Variants in SPEF2 observed in about 807,000 individuals in gnomAD.
SPEF2 encodes the protein sperm flagellar and cilia associated 2, also known as sperm flagella and cilia-associated protein 2.
SPEF2 carries 187 observed loss-of-function variants against 224.6 expected under a neutral mutation model. That is an observed-to-expected ratio of 0.83 (90% CI 0.74 to 0.94). The LOEUF (loss-of-function observed/expected upper bound fraction) is 0.94, where lower values mean the gene tolerates loss of function less well. Among genes scored for constraint, SPEF2 ranks in the 40% least tolerant of loss-of-function variants. SPEF2 has a pLI of 0.00. For missense variants in SPEF2, 2,170 were observed against 2,135.6 expected (o/e 1.02, Z -0.32); for synonymous variants, 715 against 707.3 (o/e 1.01, Z -0.17).
chr5:35,619,866 G>A (rs1743254575), intron 1 of SPEF2, among the ~76,000 whole-genome samples: 1 of 110,252 alleles, frequency 9.1e-6, no homozygotes, highest in Admixed American at 8.5e-5. Flanking sequence ...TTTGAGAGGT[G>A]GAGGATAAAC....
chr5:35,720,810 T>C (rs1743516589), intron 20 of SPEF2, among the ~76,000 whole-genome samples: 1 of 152,316 alleles, frequency 6.6e-6, no homozygotes, highest in African/African-American at 2.4e-5. Flanking sequence ...TGTTTACCTC[T>C]CTTTTCTGGA....
intron 2 of SPEF2, 107 bp downstream of exon 2, chr5:35,628,669 G>C: frequency 1.4e-6 from 1 of 715,588 alleles, no homozygotes; most frequent in Non-Finnish European, 2.3e-6. Flanking sequence ...ATAGCTCACA[G>C]CAACCTCAAA....
At chr5:35,771,464 G>A in intron 26 of SPEF2, 145 bp from the exon 27 acceptor site, 1 of 996,832 alleles carries the variant, frequency 1.0e-6, no homozygotes, top group South Asian at 2.2e-5. Context: ...AACATGGTGG[G>A]GTGTGTTTTG....
At chr5:35,769,989 ATGTGTGTGTG>A (rs10627412) in intron 26 of SPEF2, among the ~76,000 whole-genome samples, 133 of 142,358 alleles carry the variant, frequency 9.3e-4, no homozygotes, top group Admixed American at 6.9e-4. Flanking sequence ...TGCCTCCATA[ATGTGTGTGTG>A]TGTGTGTGTG....
chr5:35,807,179 A>G lies in SPEF2; in HGVS notation c.5305A>G (p.Ile1769Val), dbSNP rs762784134. Reference sequence around the variant, plus strand: ...CCTAGGTGCCAAGAACCTGGAGCCAATTGAAGTCGCTGTTCTCTTGAAGCA... The same window carrying G: ...CCTAGGTGCCAAGAACCTGGAGCCAGTTGAAGTCGCTGTTCTCTTGAAGCA... ...QDLGAKNLEP[I>V]EVAVLLKHPF... Residue 1769 changes from isoleucine to valine, a missense_variant, in exon 36 of 37, where the codon ATT becomes GTT. By Grantham distance (29) the Ile-to-Val change is conservative. Coordinates refer to ENST00000356031, the MANE Select transcript of SPEF2 (RefSeq NM_024867.4). The G allele has an allele frequency of 1.9e-6, 3 of 1,614,018 alleles. No homozygotes were observed. The highest frequency in any genetic ancestry group is 1.7e-6 in the Non-Finnish European group (2 of 1,179,988).
At chr5:35,773,835 CT>C in intron 27 of SPEF2, 57 bp from the exon 28 acceptor site, 2 of 1,555,294 alleles carry the variant, frequency 1.3e-6, no homozygotes, top group South Asian at 1.2e-5. Flanking sequence ...TGTCCAAGTA[CT>C]ATGTGCACAC....
chr5:35,811,188 C>G (rs1758511070), intron 36 of SPEF2, among the ~76,000 whole-genome samples: 1 of 152,066 alleles, frequency 6.6e-6, no homozygotes, highest in Admixed American at 6.5e-5. Context: ...CTCGTCCTGT[C>G]ATTTTTTGCT....
intron 35 of SPEF2, 30 bp from the exon 36 acceptor site, chr5:35,807,101 G>C (rs372973676): frequency 3.8e-6 from 6 of 1,597,618 alleles, no homozygotes; most frequent in Non-Finnish European, 4.3e-6. Context: ...TTGTGAGGTT[G>C]ATTAACTTCA....
Position 35,814,519 on chromosome 5 carries a change from G to A in SPEF2, c.5435G>A (p.Arg1812Lys). ...CATGTACAAGGAAGTGATGGAGAGA[G>A]ATCACCTTCAAGACATACAGAGGAA... Reference protein sequence around the residue: ...SEHVQGSDGERSPSRHTEEKK With the variant: ...SEHVQGSDGEKSPSRHTEEKK Residue 1812 changes from arginine (R) to lysine (K), a missense_variant, in exon 37 of 37, where the codon AGA becomes AAA. Physicochemically the swap from Arg to Lys is conservative, Grantham distance 26. Transcript: ENST00000356031. 1.2e-6 allele frequency: 2 copies of A among 1,609,278 alleles called. No individual in the cohort carries two copies. Among genetic ancestry groups the A allele is most frequent in the Non-Finnish European group, 1.7e-6 (2 of 1,177,146 alleles).
intron 5 of SPEF2, 146 bp downstream of exon 5, chr5:35,646,953 C>A: frequency 1.2e-6 from 1 of 841,492 alleles, no homozygotes; most frequent in Non-Finnish European, 1.8e-6. Flanking sequence ...AGAATTCTTC[C>A]ACTATATGCA....
intron 23 of SPEF2, among the ~76,000 whole-genome samples, chr5:35,741,212 T>A (rs960228926): frequency 6.6e-6 from 1 of 152,148 alleles, no homozygotes; most frequent in Non-Finnish European, 1.5e-5. Flanking sequence ...ATAAGAGCTA[T>A]GTAGAGAGCA....
At chr5:35,707,732 C>G (rs1001514287) in intron 18 of SPEF2, among the ~76,000 whole-genome samples, 3 of 152,084 alleles carry the variant, frequency 2.0e-5, no homozygotes, top group Non-Finnish European at 4.4e-5. Flanking sequence ...CAGGCATGCT[C>G]CATCCCTCCA....
intron 9 of SPEF2, 135 bp downstream of exon 9, chr5:35,667,394 G>A: frequency 1.3e-6 from 1 of 760,552 alleles, no homozygotes. Context: ...TGGGGTCCAG[G>A]AGACCTTGAT....
At chr5:35,710,073 T>C in intron 19 of SPEF2, 1 of 984,720 alleles carries the variant, frequency 1.0e-6, no homozygotes, top group African/African-American at 1.7e-5. Flanking sequence ...TTAAAGACCA[T>C]TCTGCTCCAG....
intron 16 of SPEF2, among the ~76,000 whole-genome samples, chr5:35,701,277 T>C (rs1209749927): frequency 6.6e-6 from 1 of 152,208 alleles, no homozygotes; most frequent in Non-Finnish European, 1.5e-5. Flanking sequence ...ATTCCACAAA[T>C]TAAATACTTA....
intron 30 of SPEF2, chr5:35,788,285 C>T (rs1489205577): frequency 1.3e-5 from 9 of 702,840 alleles, no homozygotes; most frequent in South Asian, 1.0e-4. Flanking sequence ...CAAGACCGGA[C>T]GTCCCCTCAA....
chr5:35,700,242 G>A (rs1246395162), intron 15 of SPEF2: 2 of 497,122 alleles, frequency 4.0e-6, no homozygotes, highest in African/African-American at 3.8e-5. Flanking sequence ...ACTAATACAG[G>A]TGTGGCCAGT....
intron 3 of SPEF2, among the ~76,000 whole-genome samples, chr5:35,643,101 G>A (rs1205861957): frequency 6.6e-6 from 1 of 152,170 alleles, no homozygotes; most frequent in Non-Finnish European, 1.5e-5. Context: ...CTGGAGTGGA[G>A]TTTATATATA....
chr5:35,777,560 T>C (rs1753765132), intron 29 of SPEF2, among the ~76,000 whole-genome samples: 1 of 151,956 alleles, frequency 6.6e-6, no homozygotes, highest in Non-Finnish European at 1.5e-5. Flanking sequence ...TTTTAGCAGA[T>C]GTATTCATAT....
Sources: allele counts gnomAD v4.1 joint callset (sites outside exome capture counted in the v4.1 genomes callset), GRCh38; gene constraint gnomAD v4.1.1; transcripts MANE v1.5; gene names NCBI Gene and HGNC (gene_info 2026-07-23, HGNC 2026-07-21).